SLC4A8: variants seen among roughly 807,000 people sequenced by gnomAD.
The protein encoded by SLC4A8 is electroneutral sodium bicarbonate exchanger 1.
A neutral mutation model predicts 125.0 loss-of-function variants in SLC4A8; 40 were observed. That is an observed-to-expected ratio of 0.32 (90% CI 0.25 to 0.42). The LOEUF (loss-of-function observed/expected upper bound fraction) is 0.42. Among genes scored for constraint, SLC4A8 ranks in the 10% least tolerant of loss-of-function variants. The pLI, the probability that SLC4A8 is intolerant of heterozygous loss-of-function variation, is 1.00. For missense variants in SLC4A8, 863 were observed against 1,355.1 expected (o/e 0.64, Z 5.70); for synonymous variants, 456 against 476.0 (o/e 0.96, Z 0.55).
At chr12:51,402,303 G>A (rs548066084) in intron 1 of SLC4A8, among the ~76,000 whole-genome samples, 1 of 152,276 alleles carries the variant, frequency 6.6e-6, no homozygotes, top group East Asian at 1.9e-4. Context: ...GTGACTTAAG[G>A]GGTGCAAAGC....
At chr12:51,506,407 TTTTC>T (rs1458662393) in intron 24 of SLC4A8, among the ~76,000 whole-genome samples, 8 of 152,282 alleles carry the variant, frequency 5.3e-5, no homozygotes, top group African/African-American at 7.2e-5. Flanking sequence ...CTGGTTTTTT[TTTTC>T]TTTCTTTCTT....
At chr12:51,469,472 G>A (rs1950626648) in intron 11 of SLC4A8, 142 bp from the exon 12 acceptor site, 1 of 611,886 alleles carries the variant, frequency 1.6e-6, no homozygotes, top group Non-Finnish European at 2.8e-6. Flanking sequence ...TGACCTAAGA[G>A]AGTTATCTGT....
chr12:51,427,393 G>C (rs1409697414), intron 1 of SLC4A8, among the ~76,000 whole-genome samples: 1 of 152,140 alleles, frequency 6.6e-6, no homozygotes, highest in Non-Finnish European at 1.5e-5. Flanking sequence ...TGTGAAATTA[G>C]TAATTCTTGA....
chr12:51,493,911 G>T, intron 20 of SLC4A8, 139 bp downstream of exon 20: 2 of 701,720 alleles, frequency 2.9e-6, no homozygotes, highest in Non-Finnish European at 5.2e-6. Flanking sequence ...GGCTATTTTA[G>T]ACATGTATTT....
At chr12:51,489,679 A>G (rs1354683187) in intron 18 of SLC4A8, 21 bp from the exon 19 acceptor site, 1 of 1,613,678 alleles carries the variant, frequency 6.2e-7, no homozygotes, top group East Asian at 2.2e-5. Flanking sequence ...TGATGGTGAC[A>G]AAGACTCTGT....
At chr12:51,401,480 T>A (rs1948390920) in intron 1 of SLC4A8, among the ~76,000 whole-genome samples, 1 of 152,190 alleles carries the variant, frequency 6.6e-6, no homozygotes, top group African/African-American at 2.4e-5. Context: ...AAACTCTATG[T>A]CTTTCCGTGG....
chr12:51,440,833 C>T (rs146128439), intron 2 of SLC4A8, 44 bp downstream of exon 2: 107 of 1,513,430 alleles, frequency 7.1e-5, no homozygotes, highest in Non-Finnish European at 9.1e-5. Context: ...TGGTGAGGGG[C>T]AGCCTGGTGT....
In SLC4A8 at chr12:51,513,685, C is replaced by T. The variant is rs533558473; in HGVS notation, c.*6247C>T. 1.3e-5 allele frequency: 2 copies of T among 152,434 alleles called. No individual in the cohort carries two copies. Among genetic ancestry groups the T allele is most frequent in the South Asian group, 2.1e-4 (1 of 4,828 alleles). 9.4% of individuals were successfully genotyped at this position (152,434 alleles called of 1,614,324 possible). On this transcript the variant is annotated 3_prime_UTR_variant, in exon 25 of 25. Coordinates refer to ENST00000453097, the MANE Select transcript of SLC4A8 (RefSeq NM_001039960.3). The stretch of plus-strand genomic sequence containing the variant: ...GGCCAGGATGGTCTTGATCTCTTGA[C>T]CTCATGATCCACCCGCCTTGGCCTC...
chr12:51,470,552 C>G, intron 13 of SLC4A8, 27 bp downstream of exon 13: 1 of 1,604,546 alleles, frequency 6.2e-7, no homozygotes, highest in East Asian at 2.2e-5. Flanking sequence ...TCTGAAAACT[C>G]TAACCAGATT....
At chr12:51,406,626 AATAGAGTGAAGGGC>A (rs1343619756) in intron 1 of SLC4A8, among the ~76,000 whole-genome samples, 5 of 152,236 alleles carry the variant, frequency 3.3e-5, no homozygotes, top group Non-Finnish European at 7.3e-5. Flanking sequence ...GAGAGATGCA[AATAGAGTGAAGGGC>A]ATTTGTGTGA....
chr12:51,504,455 A>T (rs1334702325), intron 23 of SLC4A8, among the ~76,000 whole-genome samples: 1 of 152,230 alleles, frequency 6.6e-6, no homozygotes, highest in East Asian at 1.9e-4. Flanking sequence ...ACATTTGTAT[A>T]AGTGAAGAAA....
At position 51,507,560 on chromosome 12, in the gene SLC4A8, C is replaced by A; in HGVS notation, c.*122C>A. 1.6e-6 allele frequency: 1 copy of A among 630,164 alleles called. No homozygotes were observed. Among genetic ancestry groups the A allele is most frequent in the Non-Finnish European group, 2.5e-6 (1 of 397,238 alleles). 39.0% of individuals were successfully genotyped at this position (630,164 alleles called of 1,614,324 possible). A position where few individuals can be genotyped will look rare whatever the true frequency, so the allele number is the denominator to read the frequency against. Reference sequence around the variant, plus strand: ...CAAGTCTGGCCCTGTCCTTGGTCATCTCAAAGCCATGCCGAAGCATTCAGT... The same window carrying A: ...CAAGTCTGGCCCTGTCCTTGGTCATATCAAAGCCATGCCGAAGCATTCAGT... On this transcript the variant is annotated 3_prime_UTR_variant, in exon 25 of 25. Transcript: ENST00000453097.
At chr12:51,463,754 G>A (rs771859813) in intron 11 of SLC4A8, 40 bp downstream of exon 11, 1 of 1,378,690 alleles carries the variant, frequency 7.3e-7, no homozygotes, top group Non-Finnish European at 1.0e-6. Context: ...TGCTTATTGG[G>A]TAGAAGTTAT....
intron 1 of SLC4A8, among the ~76,000 whole-genome samples, chr12:51,406,225 G>A (rs1948484779): frequency 1.3e-5 from 2 of 152,248 alleles, no homozygotes; most frequent in Admixed American, 1.3e-4. Context: ...TTTGTCTAAT[G>A]AGGGAGATCA....
At position 51,508,529 on chromosome 12, in the gene SLC4A8, G is replaced by T. The variant is rs770223559; in HGVS notation, c.*1091G>T. The T allele has an allele frequency of 6.6e-6, 1 of 152,566 alleles. No homozygotes were observed. Among genetic ancestry groups the T allele is most frequent in the Admixed American group, 6.5e-5 (1 of 15,270 alleles). The allele number at this position is 152,566 out of a possible 1,614,324, so 9.5% of individuals were successfully genotyped here. A position where few individuals can be genotyped will look rare whatever the true frequency, so the allele number is the denominator to read the frequency against. ...TAGAGTAAACGATCATCAGTTCAAT[G>T]GACCAAAATCACCTTCAGCCATGTG... On this transcript the variant is annotated 3_prime_UTR_variant, in exon 25 of 25. Transcript: ENST00000453097.
upstream of SLC4A8, among the ~76,000 whole-genome samples, chr12:51,422,621 A>G (rs1377222533): frequency 6.6e-6 from 1 of 152,174 alleles, no homozygotes; most frequent in African/African-American, 2.4e-5. Flanking sequence ...TGGCCTCCCA[A>G]AGTGCTGGGA....
At chr12:51,410,259 A>C (rs1405080921) in intron 1 of SLC4A8, among the ~76,000 whole-genome samples, 1 of 152,226 alleles carries the variant, frequency 6.6e-6, no homozygotes, top group Non-Finnish European at 1.5e-5. Context: ...TTTAAAATGC[A>C]TCTTGAAGCT....
At chr12:51,442,924 A>G (rs564508141) in intron 2 of SLC4A8, among the ~76,000 whole-genome samples, 2 of 152,334 alleles carry the variant, frequency 1.3e-5, no homozygotes, top group Admixed American at 1.3e-4. Flanking sequence ...TTGATGGAAC[A>G]CAGAAGCAAA....
chr12:51,436,834 C>T (rs1949436843), intron 1 of SLC4A8, among the ~76,000 whole-genome samples: 3 of 152,142 alleles, frequency 2.0e-5, no homozygotes, highest in African/African-American at 7.2e-5. Context: ...ACCATGTTGG[C>T]CAGGCTGGTC....
Sources: gnomAD v4.1 joint callset for allele counts (sites outside exome capture counted in the v4.1 genomes callset) on GRCh38, gnomAD v4.1.1 for gene constraint, MANE v1.5 for transcripts, NCBI Gene and HGNC (gene_info 2026-07-23, HGNC 2026-07-21) for gene names.